The following PALLD variants were observed in gnomAD, a reference collection of about 807,000 sequenced individuals.
PALLD encodes the protein palladin, cytoskeletal associated protein, also known as palladin.
Under a neutral mutation model 123.5 loss-of-function variants are expected in PALLD, and 61 were observed. That is an observed-to-expected ratio of 0.49 (90% confidence interval 0.40 to 0.61). The LOEUF is 0.61. PALLD is among the 20% of genes least tolerant of loss of function. The probability of loss-of-function intolerance (pLI) is 0.00; values close to 1 mark genes in which losing one functional copy is unlikely to be tolerated. For missense variants in PALLD, 1,273 were observed against 1,377.0 expected (o/e 0.92, Z 1.20); for synonymous variants, 465 against 496.4 (o/e 0.94, Z 0.84).
intron 1 of PALLD, among the ~76,000 whole-genome samples, chr4:168,503,107 C>CCAGA (rs3036321): frequency 0.73 from 110,223 of 151,688 alleles, 40,476 homozygotes; most frequent in African/African-American, 0.83. Context: ...CTGCTGTAAC[C>CCAGA]CAGTGTGCTA....
rs1047553298 is a variant in PALLD, at chr4:168,602,736, G to A, written c.909-65454G>A. On this transcript the variant is annotated intron_variant, in intron 2 of 21. Transcript: ENST00000505667. The stretch of plus-strand genomic sequence containing the variant: ...CTGCAGAAAAACATGGTTCCTGGAG[G>A]GCGGCTTTGGAAAGAAACATACCAA... 6.6e-5 allele frequency among the ~76,000 whole-genome samples: 10 copies of A among 152,064 alleles called. No homozygotes were observed. In the East Asian group the frequency reaches 1.9e-3, roughly 29 times the overall value.
At chr4:168,918,843 T>G (rs1301083500) in intron 17 of PALLD, among the ~76,000 whole-genome samples, 2 of 152,128 alleles carry the variant, frequency 1.3e-5, no homozygotes, top group African/African-American at 4.8e-5. Context: ...TAAAATAACG[T>G]TTTGAGTTAA....
chr4:168,747,568 C>T (rs1256563846), intron 10 of PALLD, among the ~76,000 whole-genome samples: 2 of 152,146 alleles, frequency 1.3e-5, no homozygotes, highest in Non-Finnish European at 2.9e-5. Context: ...AGGCTATATG[C>T]TCACCATATG....
intron 10 of PALLD, among the ~76,000 whole-genome samples, chr4:168,771,984 T>A (rs1427386177): frequency 6.6e-6 from 1 of 152,148 alleles, no homozygotes; most frequent in Non-Finnish European, 1.5e-5. Flanking sequence ...TAATTAACCA[T>A]TTTTCTGATA....
chr4:168,835,129 G>A lies in PALLD; in HGVS notation c.1965-55793G>A, dbSNP rs537909123. Among the ~76,000 whole-genome samples, 3 of 152,232 alleles carry A rather than the reference G, an allele frequency of 2.0e-5. No individual in the cohort carries two copies. In the East Asian group the frequency reaches 5.8e-4, roughly 29 times the overall value. On this transcript the variant is annotated intron_variant, in intron 10 of 21. Transcript: ENST00000505667. ...CAATCATTGGGAACTATAAAAAGGT[G>A]TATTCGACATTTTCTTTTGTGTATA...
At chr4:168,613,200 G>A (rs575537539) in intron 2 of PALLD, among the ~76,000 whole-genome samples, 19 of 152,128 alleles carry the variant, frequency 1.2e-4, no homozygotes, top group Admixed American at 3.9e-4. Context: ...GATTTGCCTC[G>A]GACTGAGGGG....
chr4:168,907,623 G>C (rs1758079939), intron 15 of PALLD, among the ~76,000 whole-genome samples: 1 of 152,160 alleles, frequency 6.6e-6, no homozygotes, highest in Non-Finnish European at 1.5e-5. Context: ...CCCCAAAAGA[G>C]AGTGGTTACT....
intron 2 of PALLD, 31 bp downstream of exon 2, chr4:168,512,443 G>A: frequency 6.3e-7 from 1 of 1,578,398 alleles, no homozygotes; most frequent in South Asian, 1.1e-5. Flanking sequence ...CATAGCAAAT[G>A]ATCTTGTTGA....
chr4:168,805,659 C>G (rs1218875273), intron 10 of PALLD, among the ~76,000 whole-genome samples: 2 of 152,096 alleles, frequency 1.3e-5, no homozygotes, highest in Non-Finnish European at 2.9e-5. Flanking sequence ...CTTGCAGAGA[C>G]CTCCTTTGTA....
intron 10 of PALLD, among the ~76,000 whole-genome samples, chr4:168,808,328 A>G (rs1346220721): frequency 2.0e-5 from 3 of 151,730 alleles, no homozygotes; most frequent in Non-Finnish European, 2.9e-5. Context: ...AAAATACAAA[A>G]AATTAGCCAG....
At chr4:168,811,843 A>G (rs1051670275) in intron 10 of PALLD, among the ~76,000 whole-genome samples, 3 of 151,570 alleles carry the variant, frequency 2.0e-5, no homozygotes, top group Non-Finnish European at 4.4e-5. Context: ...GAAATTTTGG[A>G]TATTATGGTG....
intron 10 of PALLD, among the ~76,000 whole-genome samples, chr4:168,769,976 C>T (rs1259087606): frequency 6.6e-6 from 1 of 152,140 alleles, no homozygotes; most frequent in East Asian, 1.9e-4. Flanking sequence ...ACATCCATAC[C>T]AAGCACAGGC....
intron 2 of PALLD, among the ~76,000 whole-genome samples, chr4:168,649,088 A>G (rs1210602174): frequency 6.6e-6 from 1 of 152,244 alleles, no homozygotes; most frequent in Non-Finnish European, 1.5e-5. Context: ...GACTCAGCAG[A>G]GCCAAGAACT....
intron 10 of PALLD, chr4:168,829,075 T>C (rs1743828525): frequency 6.6e-6 from 1 of 152,256 alleles, no homozygotes; most frequent in Non-Finnish European, 1.5e-5. Context: ...CTTCTACTGA[T>C]ACTAGTTTTA....
chr4:168,513,415 TAG>T lies in PALLD; in HGVS notation c.908+1006_908+1007del, dbSNP rs1048838021. Among the ~76,000 whole-genome samples the T allele has an allele frequency of 5.3e-4, 81 of 152,300 alleles. 1 individual carries two copies. The highest frequency in any genetic ancestry group is 1.9e-3 in the African/African-American group (77 of 41,560). ...TCTATACATTCTTCTGACTTCATTG[TAG>T]AGTTTATACCTTCCCCTGAGCAAAA... On this transcript the variant is annotated intron_variant, in intron 2 of 21. Coordinates refer to ENST00000505667, the MANE Select transcript of PALLD (RefSeq NM_001166108.2).
intron 10 of PALLD, among the ~76,000 whole-genome samples, chr4:168,783,042 A>ATGTGTGTG (rs1238465198): frequency 1.4e-4 from 14 of 96,846 alleles, no homozygotes; most frequent in African/African-American, 3.3e-4. Flanking sequence ...AATTTTATAT[A>ATGTGTGTG]TATATGTGTG....
intron 7 of PALLD, 57 bp from the exon 8 acceptor site, chr4:168,691,211 TA>T: frequency 1.5e-6 from 2 of 1,294,946 alleles, no homozygotes; most frequent in Non-Finnish European, 1.1e-6. Flanking sequence ...TTTTTTTAAT[TA>T]AATGGAACCC....
In PALLD at chr4:168,926,415, G is replaced by A. The variant is rs1032457562; in HGVS notation, c.*235G>A. 6 of 1,498,574 alleles carry A rather than the reference G, an allele frequency of 4.0e-6. No homozygotes were observed. The highest frequency in any genetic ancestry group is 5.4e-6 in the Non-Finnish European group (6 of 1,111,986). The allele number at this position is 1,498,574 out of a possible 1,614,324, so 92.8% of individuals were successfully genotyped here. ...GCATTCTTGTTAAAGCTGAAACACT[G>A]AAACAGCCATTGCCTTGACCAACAT... On this transcript the variant is annotated 3_prime_UTR_variant, in exon 22 of 22. Coordinates refer to ENST00000505667, the MANE Select transcript of PALLD (RefSeq NM_001166108.2).
At chr4:168,872,582 TCCC>T (rs956732460) in intron 10 of PALLD, among the ~76,000 whole-genome samples, 2 of 152,188 alleles carry the variant, frequency 1.3e-5, no homozygotes, top group Non-Finnish European at 2.9e-5. Context: ...CCCTGCCTTC[TCCC>T]CCAACCTTAG....
Sources: allele counts gnomAD v4.1 joint callset (sites outside exome capture counted in the v4.1 genomes callset), GRCh38; gene constraint gnomAD v4.1.1; transcripts MANE v1.5; gene names NCBI Gene and HGNC (gene_info 2026-07-23, HGNC 2026-07-21).